NIT1: variants seen among roughly 807,000 people sequenced by gnomAD.
NIT1 encodes the protein deaminated glutathione amidase.
In NIT1, 30 loss-of-function variants were observed where a neutral mutation model predicts 36.8. That is an observed-to-expected ratio of 0.82 (90% CI 0.61 to 1.11). The LOEUF is 1.11. Among genes scored for constraint, NIT1 ranks in the 50% least tolerant of loss-of-function variants. The pLI, the probability that NIT1 is intolerant of heterozygous loss-of-function variation, is 0.00. For missense variants in NIT1, 438 were observed against 410.6 expected, an observed-to-expected ratio of 1.07 and a Z score of -0.58; for synonymous variants, 151 against 155.6, an observed-to-expected ratio of 0.97 and a Z score of 0.22.
downstream of NIT1, chr1:161,123,899 A>G (rs572205717): frequency 3.1e-6 from 5 of 1,614,134 alleles, no homozygotes; most frequent in African/African-American, 5.3e-5. Context: ...GGGGTCACAT[A>G]GCGAATTGAT....
chr1:161,124,425 G>A (rs1655934328), downstream of NIT1: 1 of 1,608,356 alleles, frequency 6.2e-7, no homozygotes, highest in Non-Finnish European at 8.5e-7. Flanking sequence ...ATGCTCTTCT[G>A]GCCACACCTG....
downstream of NIT1, chr1:161,122,584 A>G: frequency 6.4e-7 from 1 of 1,555,358 alleles, no homozygotes; most frequent in South Asian, 1.2e-5. The surrounding 1 kb of genome is among the most constrained non-coding windows in gnomAD (Gnocchi z 4.2). Context: ...TTTACAAGCC[A>G]AGCTTGAAAA....
chr1:161,121,875 CCTATA>C, downstream of NIT1: 2 of 409,998 alleles, frequency 4.9e-6, no homozygotes, highest in Non-Finnish European at 8.9e-6. Flanking sequence ...TTTGCTTCTT[CCTATA>C]CATTTGTCTT....
downstream of NIT1, chr1:161,122,003 A>G (rs1571213859): frequency 8.8e-7 from 1 of 1,137,612 alleles, no homozygotes; most frequent in East Asian, 2.4e-5. This position sits in a 1 kb window ranked among gnomAD's most constrained non-coding sequence, Gnocchi z 4.2. Flanking sequence ...TACCACTTCC[A>G]CTTTCTTTTG....
chr1:161,122,037 A>AC (rs1655556168), downstream of NIT1: 3 of 1,397,416 alleles, frequency 2.1e-6, no homozygotes, highest in Non-Finnish European at 2.9e-6. This position sits in a 1 kb window ranked among gnomAD's most constrained non-coding sequence, Gnocchi z 4.2. Context: ...AAAAAAAAAA[A>AC]AAAAGGCAGG....
downstream of NIT1, chr1:161,121,958 A>C: frequency 1.5e-6 from 1 of 675,200 alleles, no homozygotes; most frequent in Non-Finnish European, 2.4e-6. Flanking sequence ...ATAAAGGGGA[A>C]GCCCAGGCAC....
chr1:161,121,976 C>T, downstream of NIT1: 1 of 807,060 alleles, frequency 1.2e-6, no homozygotes, highest in Non-Finnish European at 1.9e-6. Flanking sequence ...CACATGGGTG[C>T]AGGGAGGGGT....
chr1:161,124,258 A>C (rs1213021017), downstream of NIT1: 6 of 1,614,120 alleles, frequency 3.7e-6, no homozygotes, highest in Non-Finnish European at 5.1e-6. Flanking sequence ...TCCAGTGCCA[A>C]TAAGAAGTCA....
chr1:161,123,152 C>T (rs760440014), downstream of NIT1: 17 of 1,614,202 alleles, frequency 1.1e-5, no homozygotes, highest in South Asian at 2.2e-5. Flanking sequence ...GGCTCTCCCT[C>T]GGGCTGGCCG....
At chr1:161,118,979 T>A (rs1257347467) in intron 2 of NIT1, 98 bp downstream of exon 2, 1 of 1,329,816 alleles carries the variant, frequency 7.5e-7, no homozygotes, top group African/African-American at 1.4e-5. Context: ...TCCACACATT[T>A]GATTGGTGAG....
chr1:161,118,932 G>A (rs1655111044), intron 2 of NIT1, 51 bp downstream of exon 2: 2 of 1,446,188 alleles, frequency 1.4e-6, no homozygotes, highest in Admixed American at 1.7e-5. Context: ...TGCTCAGTTT[G>A]TTAAATGGAT....
chr1:161,122,867 T>G (rs1655675556), downstream of NIT1: 1 of 892,602 alleles, frequency 1.1e-6, no homozygotes, highest in Non-Finnish European at 1.8e-6. The surrounding 1 kb of genome is among the most constrained non-coding windows in gnomAD (Gnocchi z 4.2). Flanking sequence ...ATCCCTGTGA[T>G]GTAGTATTAA....
At position 161,118,139 on chromosome 1, in the gene NIT1, C is replaced by T. The variant is rs1391690927; in HGVS notation, c.-38C>T. Reference sequence around the variant, plus strand: ...GGCGCTTCTGGCTCCAGACCGCCCTCCGGATCGGACCCTGCGAATGGTTTT... The same window carrying T: ...GGCGCTTCTGGCTCCAGACCGCCCTTCGGATCGGACCCTGCGAATGGTTTT... On this transcript the variant is annotated 5_prime_UTR_variant, in exon 1 of 7. Coordinates refer to ENST00000368009, the MANE Select transcript of NIT1 (RefSeq NM_005600.3). 6.2e-7 allele frequency: 1 copy of T among 1,613,938 alleles called. No individual in the cohort carries two copies. The highest frequency in any genetic ancestry group is 1.3e-5 in the African/African-American group (1 of 75,070).
Position 161,119,149 on chromosome 1 carries a change from T to C in NIT1, c.114T>C (p.Ala38=), listed in dbSNP as rs758069016. The change falls in exon 3 of 7, where the codon GCT becomes GCC. Residue 38 remains alanine (A), a synonymous_variant. Coordinates refer to ENST00000368009, the MANE Select transcript of NIT1 (RefSeq NM_005600.3). ...CTGTTCACAGGCCCAGAGCCATGGC[T>C]ATCTCCTCTTCCTCCTGCGAACTGC... ...LCAQPRPRAM[A]ISSSSCELPL... is the part of the protein sequence containing the mutation. 6.2e-7 allele frequency: 1 copy of C among 1,613,858 alleles called. No homozygotes were observed. Among genetic ancestry groups the C allele is most frequent in the East Asian group, 2.2e-5 (1 of 44,888 alleles).
chr1:161,123,760 C>G, downstream of NIT1: 1 of 1,299,460 alleles, frequency 7.7e-7, no homozygotes, highest in East Asian at 2.3e-5. Flanking sequence ...TTCATTTAAG[C>G]TGGCAAAGCC....
At chr1:161,122,096 C>T, downstream of NIT1, 1 of 1,596,354 alleles carries the variant, frequency 6.3e-7, no homozygotes. The surrounding 1 kb of genome is among the most constrained non-coding windows in gnomAD (Gnocchi z 4.2). Flanking sequence ...ACAGTGTAAG[C>T]TCCAGAGGTG....
chr1:161,119,070 C>T (rs912619404), intron 2 of NIT1, 64 bp from the exon 3 acceptor site: 11 of 1,587,814 alleles, frequency 6.9e-6, no homozygotes, highest in African/African-American at 1.3e-5. Context: ...CACTTGCACC[C>T]CTTAGCATTA....
chr1:161,122,047 G>A, downstream of NIT1: 1 of 1,401,022 alleles, frequency 7.1e-7, no homozygotes, highest in Non-Finnish European at 9.5e-7. This position sits in a 1 kb window ranked among gnomAD's most constrained non-coding sequence, Gnocchi z 4.2. Context: ...AAAAAGGCAG[G>A]GGTGTGATTG....
At chr1:161,123,818 G>T (rs1655842033), downstream of NIT1, 2 of 1,590,752 alleles carry the variant, frequency 1.3e-6, no homozygotes, top group Non-Finnish European at 1.7e-6. Context: ...TGGAAAGCAG[G>T]GGGAGTTAAT....
Sources: allele counts gnomAD v4.1 joint callset, GRCh38; gene constraint gnomAD v4.1.1; non-coding constraint Gnocchi (gnomAD v3.1); transcripts MANE v1.5; gene names NCBI Gene and HGNC (gene_info 2026-07-23, HGNC 2026-07-21).